The following FBXO34 variants were observed in gnomAD, a reference collection of about 807,000 sequenced individuals.
The protein encoded by FBXO34 is F-box only protein 34.
Under a neutral mutation model 24.5 loss-of-function variants are expected in FBXO34, and 12 were observed. That is an observed-to-expected ratio of 0.49 (90% CI 0.31 to 0.79). The LOEUF (loss-of-function observed/expected upper bound fraction) is 0.79. Ranked by LOEUF, FBXO34 falls within the 30% of genes least tolerant of loss-of-function variation. FBXO34 has a pLI of 0.04. For synonymous variants in FBXO34, 320 were observed against 311.9 expected (o/e 1.03, Z -0.27); for missense variants, 823 against 857.7 (o/e 0.96, Z 0.51).
downstream of FBXO34, among the ~76,000 whole-genome samples, chr14:55,357,657 A>C (rs1884541326): frequency 6.6e-6 from 1 of 152,138 alleles, no homozygotes; most frequent in Non-Finnish European, 1.5e-5. Context: ...GTTGTACAAA[A>C]AATAAATGAG....
intron 1 of FBXO34, among the ~76,000 whole-genome samples, chr14:55,319,657 T>A (rs954688973): frequency 6.6e-6 from 1 of 152,142 alleles, no homozygotes; most frequent in African/African-American, 2.4e-5. Context: ...TTCTATATAG[T>A]GTGTGAAAGG....
intron 1 of FBXO34, among the ~76,000 whole-genome samples, chr14:55,315,982 G>C (rs1882913549): frequency 6.6e-6 from 1 of 151,926 alleles, no homozygotes; most frequent in South Asian, 2.1e-4. Flanking sequence ...GAACATTTTG[G>C]ACTGGTCTTC....
chr14:55,297,737 C>T (rs1390328862), intron 1 of FBXO34, among the ~76,000 whole-genome samples: 2 of 152,118 alleles, frequency 1.3e-5, no homozygotes, highest in East Asian at 1.9e-4. Context: ...CTTTGAAAAA[C>T]CCTCTACTTC....
rs1335202251 is a variant in FBXO34, at chr14:55,320,599, C to A, written c.-10-29782C>A. 2.6e-5 allele frequency among the ~76,000 whole-genome samples: 4 copies of A among 151,992 alleles called. No homozygotes were observed. The East Asian group carries it at 7.7e-4, about 29-fold the overall frequency. ...ACCCCGTCTCTACTAAAAATACACA[C>A]ACACAAAAATTAGCCGGGTGTGGTA... On this transcript the variant is annotated intron_variant, in intron 1 of 1. Coordinates refer to ENST00000313833, the MANE Select transcript of FBXO34 (RefSeq NM_017943.4).
the FBXO34 span, among the ~76,000 whole-genome samples, chr14:55,379,294 G>A: frequency 1.3e-5 from 2 of 152,114 alleles, no homozygotes; most frequent in African/African-American, 4.8e-5. Flanking sequence ...CCAGCACTGT[G>A]GGAGGCAGAG....
chr14:55,427,228 T>C, the FBXO34 span, among the ~76,000 whole-genome samples: 9 of 150,078 alleles, frequency 6.0e-5, no homozygotes, highest in Admixed American at 4.0e-4. Context: ...GAGGACTTTA[T>C]AGGGAGCTCA....
intron 1 of FBXO34, among the ~76,000 whole-genome samples, chr14:55,297,293 A>G (rs1435241857): frequency 2.0e-5 from 3 of 152,156 alleles, no homozygotes; most frequent in East Asian, 3.9e-4. Context: ...TTTAACTCCT[A>G]TGTCAGTATT....
chr14:55,405,284 G>A, the FBXO34 span, among the ~76,000 whole-genome samples: 1 of 152,190 alleles, frequency 6.6e-6, no homozygotes, highest in Non-Finnish European at 1.5e-5. Context: ...TTTTTTGGAT[G>A]TTGGTTGTGC....
chr14:55,341,964 T>G (rs1318774500), intron 1 of FBXO34, among the ~76,000 whole-genome samples: 64 of 152,190 alleles, frequency 4.2e-4, no homozygotes, highest in Admixed American at 4.2e-3. Context: ...CCAACAAAAG[T>G]GGGCTGGGGA....
At chr14:55,322,292 A>G (rs1883163399) in intron 1 of FBXO34, among the ~76,000 whole-genome samples, 1 of 146,262 alleles carries the variant, frequency 6.8e-6, no homozygotes, top group Non-Finnish European at 1.5e-5. Flanking sequence ...CCTGGGCAAC[A>G]GAGCAAGACT....
At chr14:55,293,651 A>G (rs1192612400) in intron 1 of FBXO34, among the ~76,000 whole-genome samples, 1 of 152,088 alleles carries the variant, frequency 6.6e-6, no homozygotes, top group Admixed American at 6.6e-5. Context: ...GAGTAGGAAA[A>G]AAGTATTGCT....
At chr14:55,364,507 C>T (rs775355780), downstream of FBXO34, among the ~76,000 whole-genome samples, 3 of 152,074 alleles carry the variant, frequency 2.0e-5, no homozygotes, top group Non-Finnish European at 4.4e-5. Context: ...TCACTGCAAC[C>T]TCTGCCTCCT....
the FBXO34 span, among the ~76,000 whole-genome samples, chr14:55,421,060 CA>C: frequency 0.23 from 24,462 of 107,254 alleles, 3,188 homozygotes; most frequent in African/African-American, 0.5. Flanking sequence ...GAATCTGTCT[CA>C]AAAAAAAAAA....
At chr14:55,348,471 ACAGCTCAGTGTATT>A (rs1170633163) in intron 1 of FBXO34, among the ~76,000 whole-genome samples, 4 of 152,136 alleles carry the variant, frequency 2.6e-5, no homozygotes, top group Non-Finnish European at 4.4e-5. Context: ...TACATCTTGG[ACAGCTCAGTGTATT>A]CATCCTCGTT....
At chr14:55,355,713 T>C (rs1884512650), downstream of FBXO34, among the ~76,000 whole-genome samples, 1 of 152,234 alleles carries the variant, frequency 6.6e-6, no homozygotes, top group South Asian at 2.1e-4. Context: ...GAGGGACCAC[T>C]GTGGAGCTTG....
the FBXO34 span, among the ~76,000 whole-genome samples, chr14:55,388,465 C>T: frequency 6.6e-6 from 1 of 152,248 alleles, no homozygotes; most frequent in South Asian, 2.1e-4. Flanking sequence ...GGTGCTGTAT[C>T]TGTAATCTAC....
the FBXO34 span, among the ~76,000 whole-genome samples, chr14:55,388,091 C>T: frequency 2.6e-5 from 4 of 152,124 alleles, no homozygotes; most frequent in South Asian, 6.2e-4. Context: ...GAGCCGAGAT[C>T]GTGCCACTGC....
chr14:55,392,946 T>G, the FBXO34 span, among the ~76,000 whole-genome samples: 1 of 152,166 alleles, frequency 6.6e-6, no homozygotes, highest in Admixed American at 6.5e-5. Context: ...TAACAGAGTC[T>G]TTAGAAATGA....
intron 1 of FBXO34, among the ~76,000 whole-genome samples, chr14:55,317,189 A>G (rs908994629): frequency 1.3e-5 from 2 of 152,174 alleles, no homozygotes; most frequent in Non-Finnish European, 2.9e-5. Flanking sequence ...GGTGTGTTAG[A>G]GCTGGTTCAT....
Sources: allele counts gnomAD v4.1 joint callset (sites outside exome capture counted in the v4.1 genomes callset), GRCh38; gene constraint gnomAD v4.1.1; transcripts MANE v1.5; gene names NCBI Gene and HGNC (gene_info 2026-07-23, HGNC 2026-07-21).